SLC11A2: variants seen among roughly 807,000 people sequenced by gnomAD.
SLC11A2 encodes the protein solute carrier family 11 member 2.
SLC11A2 carries 38 observed loss-of-function variants against 68.0 expected under a neutral mutation model. That is an observed-to-expected ratio of 0.56 (90% CI 0.43 to 0.73). The LOEUF (loss-of-function observed/expected upper bound fraction) is 0.73, where lower values mean the gene tolerates loss of function less well. Ranked by LOEUF, SLC11A2 falls within the 30% of genes least tolerant of loss-of-function variation. The probability of loss-of-function intolerance (pLI) is 0.00; values close to 1 mark genes in which losing one functional copy is unlikely to be tolerated. For synonymous variants in SLC11A2, 242 were observed against 250.6 expected, an observed-to-expected ratio of 0.97 and a Z score of 0.32; for missense variants, 517 against 690.5, an observed-to-expected ratio of 0.75 and a Z score of 2.82.
intron 3 of SLC11A2, chr12:51,008,049 AAAT>A (rs1378875335): frequency 1.9e-5 from 3 of 160,842 alleles, no homozygotes; most frequent in Admixed American, 1.8e-4. Flanking sequence ...ATAAAAATAA[AAAT>A]AATGAGCCTG....
chr12:50,957,938 GT>G, the SLC11A2 span, among the ~76,000 whole-genome samples: 15 of 2,604 alleles, frequency 5.8e-3, no homozygotes, highest in Middle Eastern at 0.17. Context: ...TGAATTGGAG[GT>G]GTGTGTGTGT....
At chr12:50,975,028 C>T (rs1939830461), downstream of SLC11A2, among the ~76,000 whole-genome samples, 1 of 152,142 alleles carries the variant, frequency 6.6e-6, no homozygotes, top group Non-Finnish European at 1.5e-5. Flanking sequence ...TAGACTCCCA[C>T]ACAATAATAA....
At chr12:51,025,218 GAATAAGT>G (rs1258395023) in intron 1 of SLC11A2, among the ~76,000 whole-genome samples, 1 of 152,158 alleles carries the variant, frequency 6.6e-6, no homozygotes, top group Non-Finnish European at 1.5e-5. Context: ...TCTGAGCAAA[GAATAAGT>G]AATAAGGTTA....
At chr12:51,001,900 C>T (rs1443638688) in intron 5 of SLC11A2, among the ~76,000 whole-genome samples, 3 of 152,178 alleles carry the variant, frequency 2.0e-5, no homozygotes, top group South Asian at 2.1e-4. Flanking sequence ...ATAATGCCCA[C>T]GTATGCAAAA....
chr12:51,020,872 G>A (rs1049798838), intron 1 of SLC11A2, among the ~76,000 whole-genome samples: 23 of 152,122 alleles, frequency 1.5e-4, no homozygotes, highest in African/African-American at 5.3e-4. Context: ...GGGAGGCTGA[G>A]GCAGCCCAGA....
At position 50,987,033 on chromosome 12, in the gene SLC11A2, T is replaced by C. The variant is rs996505421; in HGVS notation, c.*1292A>G. On this transcript the variant is annotated 3_prime_UTR_variant, in exon 16 of 16. Coordinates refer to ENST00000262052, the MANE Select transcript of SLC11A2 (RefSeq NM_000617.3). Reference sequence around the variant, plus strand: ...GATTATTTATCTCCATCAAAGTGATTTGATTTGAGATAATCACACAATCTC... The same window carrying C: ...GATTATTTATCTCCATCAAAGTGATCTGATTTGAGATAATCACACAATCTC... 1 of 1,286,248 alleles carries C rather than the reference T, an allele frequency of 7.8e-7. No homozygotes were observed. Among genetic ancestry groups the C allele is most frequent in the African/African-American group, 1.5e-5 (1 of 65,884 alleles). The allele number at this position is 1,286,248 out of a possible 1,614,324, so 79.7% of individuals were successfully genotyped here. A position where few individuals can be genotyped will look rare whatever the true frequency, so the allele number is the denominator to read the frequency against.
At chr12:50,989,721 G>A (rs1183645744) in intron 15 of SLC11A2, among the ~76,000 whole-genome samples, 3 of 151,892 alleles carry the variant, frequency 2.0e-5, no homozygotes, top group Admixed American at 2.0e-4. Context: ...AGTTTATTGG[G>A]AAGAAAAAAA....
intron 6 of SLC11A2, 61 bp from the exon 7 acceptor site, chr12:50,999,476 A>G (rs1051675093): frequency 2.2e-6 from 3 of 1,336,728 alleles, no homozygotes; most frequent in Admixed American, 1.7e-5. Context: ...ATTGAAAAAC[A>G]CTCTCTTCCC....
chr12:50,992,191 T>C lies in SLC11A2; in HGVS notation c.1346A>G (p.Gln449Arg), dbSNP rs768742388. The C allele has an allele frequency of 6.2e-7, 1 of 1,613,900 alleles. No individual in the cohort carries two copies. Among genetic ancestry groups the C allele is most frequent in the Non-Finnish European group, 8.5e-7 (1 of 1,179,824 alleles). Residue 449 changes from glutamine to arginine, a missense_variant and splice_region_variant, in exon 13 of 16, where the codon CAG (glutamine) becomes CGG (arginine). Gln to Arg is a conservative substitution (Grantham distance 43). Coordinates refer to ENST00000262052, the MANE Select transcript of SLC11A2 (RefSeq NM_000617.3). The stretch of plus-strand genomic sequence containing the variant: ...GTGTTTCCTCAGCTTCCTCCTCACC[T>C]GTAAGCTCTGTAGAACATTCAGAAA... ...NDFLNVLQSL[Q>R]LPFALIPILT...
intron 15 of SLC11A2, among the ~76,000 whole-genome samples, chr12:50,988,926 C>T (rs1940869842): frequency 6.6e-6 from 1 of 152,006 alleles, no homozygotes; most frequent in South Asian, 2.1e-4. Flanking sequence ...ATTTCTCAAG[C>T]TGGTCTGAAA....
chr12:50,993,351 A>G (rs1941371814), intron 11 of SLC11A2, among the ~76,000 whole-genome samples: 1 of 152,166 alleles, frequency 6.6e-6, no homozygotes, highest in Non-Finnish European at 1.5e-5. Flanking sequence ...TCACAATGTA[A>G]CCAGCATAAA....
chr12:50,991,550 C>T (rs1382917883), intron 14 of SLC11A2, 49 bp downstream of exon 14: 2 of 1,460,988 alleles, frequency 1.4e-6, no homozygotes, highest in Admixed American at 1.7e-5. Flanking sequence ...TGAAGATACC[C>T]TTTCCCCATA....
In SLC11A2 at chr12:50,986,865, C is replaced by G. The variant is rs1317186135; in HGVS notation, c.*1460G>C. On this transcript the variant is annotated 3_prime_UTR_variant, in exon 16 of 16. Transcript: ENST00000262052. ...TGCGCTTTTGACTGTGTGCAAGTAT[C>G]AGTAATAATGCTTTTGGGGGCTCAG... 1 of 1,287,038 alleles carries G rather than the reference C, an allele frequency of 7.8e-7. No individual in the cohort carries two copies. Among genetic ancestry groups the G allele is most frequent in the Non-Finnish European group, 1.0e-6 (1 of 988,686 alleles). The allele number at this position is 1,287,038 out of a possible 1,614,324, so 79.7% of individuals were successfully genotyped here.
chr12:50,989,886 T>C (rs1179783145), intron 15 of SLC11A2, among the ~76,000 whole-genome samples: 1 of 152,176 alleles, frequency 6.6e-6, no homozygotes, highest in Non-Finnish European at 1.5e-5. Context: ...AAAAATGGTA[T>C]AAATTCTACT....
chr12:51,018,838 G>T (rs1943848060), intron 1 of SLC11A2, among the ~76,000 whole-genome samples: 1 of 152,134 alleles, frequency 6.6e-6, no homozygotes, highest in Non-Finnish European at 1.5e-5. Flanking sequence ...CCCCTATAGA[G>T]AATAAAGGTA....
the SLC11A2 span, among the ~76,000 whole-genome samples, chr12:50,968,395 G>T: frequency 0.15 from 22,335 of 151,196 alleles, 1,871 homozygotes; most frequent in South Asian, 0.26. Context: ...TTTTTTGTGT[G>T]TGTGTGGGGG....
chr12:50,965,111 G>GTT, the SLC11A2 span, among the ~76,000 whole-genome samples: 1 of 151,618 alleles, frequency 6.6e-6, no homozygotes, highest in Non-Finnish European at 1.5e-5. Flanking sequence ...ATGTTTGTGG[G>GTT]TTTTTTTGTT....
intron 2 of SLC11A2, 114 bp from the exon 3 acceptor site, chr12:51,008,738 C>A: frequency 1.3e-6 from 1 of 778,420 alleles, no homozygotes; most frequent in Non-Finnish European, 2.2e-6. Context: ...AAGAGACCAA[C>A]CTGACTCTAG....
At chr12:51,026,388 T>C (rs1944394463), upstream of SLC11A2, 4 of 1,272,698 alleles carry the variant, frequency 3.1e-6, no homozygotes, top group Non-Finnish European at 4.1e-6. Flanking sequence ...CCACGCTGGC[T>C]AACGCCCTCC....
Sources: gnomAD v4.1 joint callset for allele counts (sites outside exome capture counted in the v4.1 genomes callset) on GRCh38, gnomAD v4.1.1 for gene constraint, MANE v1.5 for transcripts, NCBI Gene and HGNC (gene_info 2026-07-23, HGNC 2026-07-21) for gene names.